GRID1: variants seen among roughly 807,000 people sequenced by gnomAD.
GRID1 encodes the protein glutamate receptor ionotropic, delta-1.
In GRID1, 28 loss-of-function variants were observed where a neutral mutation model predicts 98.0. The observed-to-expected ratio is 0.29, with a 90% confidence interval of 0.21 to 0.39. The LOEUF is 0.39. GRID1 is among the 10% of genes least tolerant of loss of function. The pLI, the probability that GRID1 is intolerant of heterozygous loss-of-function variation, is 1.00. For synonymous variants in GRID1, 553 were observed against 538.5 expected (o/e 1.03, Z -0.37); for missense variants, 1,111 against 1,340.5 (o/e 0.83, Z 2.67).
At chr10:85,854,931 C>T (rs1207562995) in intron 7 of GRID1, among the ~76,000 whole-genome samples, 1 of 152,254 alleles carries the variant, frequency 6.6e-6, no homozygotes, top group African/African-American at 2.4e-5. Context: ...GCTTTTGTTC[C>T]TGCCCTCTTG....
chr10:85,818,764 C>T (rs993720562), intron 8 of GRID1, among the ~76,000 whole-genome samples: 1 of 151,870 alleles, frequency 6.6e-6, no homozygotes, highest in African/African-American at 2.4e-5. Flanking sequence ...GTCGCCCAGG[C>T]TGGAGTGCAG....
Position 85,602,631 on chromosome 10 carries a change from T to C in GRID1, c.2672A>G (p.Lys891Arg), listed in dbSNP as rs769566874. The part of the protein sequence containing the change: ...NSLMDEDIAH[K>R]QISPASIELS... ...CTCAATCGACGCTGGGGAAATCTGC[T>C]TGTGAGCAATGTCTTCATCCATGAG... The change falls in exon 16 of 16, where the codon AAG becomes AGG. Residue 891 changes from lysine (K) to arginine (R), a missense_variant. Around this residue, in one of 3 missense-constraint regions of GRID1, gnomAD observed 762 missense variants for 869.1 expected, o/e 0.88. Coordinates refer to ENST00000327946, the MANE Select transcript of GRID1 (RefSeq NM_017551.3). 6 of 1,613,834 alleles carry C rather than the reference T, an allele frequency of 3.7e-6. No individual in the cohort carries two copies. Among genetic ancestry groups the C allele is most frequent in the African/African-American group, 1.3e-5 (1 of 74,916 alleles).
chr10:86,080,797 T>A (rs917973966), intron 4 of GRID1, among the ~76,000 whole-genome samples: 18 of 152,218 alleles, frequency 1.2e-4, no homozygotes, highest in African/African-American at 4.3e-4. Context: ...TGGAGCTTCC[T>A]CTAGTAGGGA....
chr10:86,163,014 C>T (rs1280129079), intron 3 of GRID1, among the ~76,000 whole-genome samples: 3 of 152,168 alleles, frequency 2.0e-5, no homozygotes, highest in African/African-American at 7.2e-5. Context: ...GTAAGTAGCA[C>T]ATTAGGGTAT....
intron 6 of GRID1, among the ~76,000 whole-genome samples, chr10:85,860,568 T>C (rs1843155006): frequency 6.6e-6 from 1 of 152,226 alleles, no homozygotes; most frequent in Non-Finnish European, 1.5e-5. Context: ...TGGTTTCATT[T>C]AGCCACTCCA....
chr10:85,814,183 C>T (rs1173851142), intron 8 of GRID1, among the ~76,000 whole-genome samples: 4 of 151,688 alleles, frequency 2.6e-5, no homozygotes, highest in Admixed American at 2.0e-4. Flanking sequence ...AATACCCTGC[C>T]ATGGGCTGCA....
At chr10:85,621,962 T>C (rs893978859) in intron 13 of GRID1, among the ~76,000 whole-genome samples, 3 of 152,186 alleles carry the variant, frequency 2.0e-5, no homozygotes, top group Non-Finnish European at 4.4e-5. Flanking sequence ...TTGTTATTTC[T>C]ATGATTTCAA....
chr10:85,715,834 T>C (rs997812258), intron 12 of GRID1, among the ~76,000 whole-genome samples: 1 of 152,222 alleles, frequency 6.6e-6, no homozygotes, highest in Non-Finnish European at 1.5e-5. Flanking sequence ...AATCAGTATC[T>C]TGAAGAGATA....
chr10:85,612,135 A>G (rs1161320095), intron 15 of GRID1, among the ~76,000 whole-genome samples: 1 of 152,198 alleles, frequency 6.6e-6, no homozygotes, highest in Non-Finnish European at 1.5e-5. Context: ...GGTATAATGC[A>G]GAGTCCTGTA....
intron 3 of GRID1, among the ~76,000 whole-genome samples, chr10:86,190,326 T>C (rs1247039912): frequency 1.3e-5 from 2 of 152,066 alleles, no homozygotes; most frequent in African/African-American, 4.8e-5. Flanking sequence ...TGGGAAGAGG[T>C]GGCCCAGTGG....
chr10:85,802,097 A>G (rs1842581784), intron 8 of GRID1, among the ~76,000 whole-genome samples: 1 of 152,096 alleles, frequency 6.6e-6, no homozygotes, highest in Non-Finnish European at 1.5e-5. Context: ...TCATTAAAGA[A>G]TTTTAAAATG....
intron 8 of GRID1, among the ~76,000 whole-genome samples, chr10:85,838,663 G>C (rs1041943588): frequency 2.6e-5 from 4 of 151,878 alleles, no homozygotes; most frequent in African/African-American, 9.7e-5. Context: ...ACTAAATATG[G>C]AAAAAAATAC....
At chr10:85,905,217 T>G (rs951470717) in intron 5 of GRID1, among the ~76,000 whole-genome samples, 1 of 151,926 alleles carries the variant, frequency 6.6e-6, no homozygotes, top group South Asian at 2.1e-4. Flanking sequence ...AGGAAGATAG[T>G]AAGGCAACAT....
intron 12 of GRID1, among the ~76,000 whole-genome samples, chr10:85,690,738 AG>A (rs1432402116): frequency 1.3e-5 from 2 of 152,214 alleles, no homozygotes; most frequent in Non-Finnish European, 2.9e-5. Context: ...ATGTTGGCAC[AG>A]TTGCACATCA....
At chr10:85,968,331 G>T (rs1361100210) in intron 4 of GRID1, among the ~76,000 whole-genome samples, 1 of 151,596 alleles carries the variant, frequency 6.6e-6, no homozygotes, top group African/African-American at 2.4e-5. Flanking sequence ...GGCACCTGTA[G>T]TCCCAGCTAC....
intron 3 of GRID1, among the ~76,000 whole-genome samples, chr10:86,147,450 G>A (rs1162283684): frequency 6.6e-6 from 1 of 152,070 alleles, no homozygotes; most frequent in Non-Finnish European, 1.5e-5. Flanking sequence ...ATACTATAAC[G>A]CTACAGTAAC....
intron 12 of GRID1, among the ~76,000 whole-genome samples, chr10:85,711,126 T>C (rs553136122): frequency 6.6e-6 from 1 of 152,152 alleles, no homozygotes; most frequent in East Asian, 1.9e-4. Flanking sequence ...TACTTCTGGG[T>C]ATATACACCG....
rs377669879 is a variant in GRID1 at position 85,647,267 on chromosome 10, G to A, written c.2128C>T (p.Arg710Trp). The A allele has an allele frequency of 1.1e-4, 177 of 1,614,186 alleles. No homozygotes were observed. Among genetic ancestry groups the A allele is most frequent in the South Asian group, 8.7e-4 (79 of 91,086 alleles). ...EQDSTFAELW[R>W]TISKNGGADN... ...GCCCCTCCGTTCTTGCTGATGGTCCGCCAGAGTTCAGCAAACGTGCTGTCC... is the reference window on the plus strand; with the variant it reads ...GCCCCTCCGTTCTTGCTGATGGTCCACCAGAGTTCAGCAAACGTGCTGTCC... Residue 710 changes from arginine (R) to tryptophan (W), a missense_variant, in exon 13 of 16, where the codon CGG becomes TGG. Around this residue, in one of 3 missense-constraint regions of GRID1, gnomAD observed 762 missense variants for 869.1 expected, o/e 0.88. Transcript: ENST00000327946.
At chr10:85,945,572 C>T (rs1842044562) in intron 4 of GRID1, among the ~76,000 whole-genome samples, 2 of 152,162 alleles carry the variant, frequency 1.3e-5, no homozygotes, top group Admixed American at 1.3e-4. Context: ...AATACATTTC[C>T]ATCTTCCCAG....
Sources: gnomAD v4.1 joint callset for allele counts (sites outside exome capture counted in the v4.1 genomes callset) on GRCh38, gnomAD v4.1.1 for gene constraint, gnomAD v4.1.1 regional missense constraint, MANE v1.5 for transcripts, NCBI Gene and HGNC (gene_info 2026-07-23, HGNC 2026-07-21) for gene names.